Variants in FCHSD2 observed in about 807,000 individuals in gnomAD.
FCHSD2 encodes F-BAR and double SH3 domains protein 2.
A neutral mutation model predicts 108.1 loss-of-function variants in FCHSD2; 38 were observed. That is an observed-to-expected ratio of 0.35 (90% CI 0.27 to 0.46). The LOEUF is 0.46. FCHSD2 is among the 20% of genes least tolerant of loss of function. The probability of loss-of-function intolerance (pLI) is 1.00; values close to 1 mark genes in which losing one functional copy is unlikely to be tolerated. For missense variants in FCHSD2, 751 were observed against 897.8 expected (o/e 0.84, Z 2.09); for synonymous variants, 279 against 314.7 (o/e 0.89, Z 1.20).
intron 3 of FCHSD2, among the ~76,000 whole-genome samples, chr11:73,036,849 A>T (rs1176174362): frequency 6.6e-6 from 1 of 152,222 alleles, no homozygotes; most frequent in Non-Finnish European, 1.5e-5. Context: ...AACTGAGTAC[A>T]ATTTTCTGTA....
intron 9 of FCHSD2, among the ~76,000 whole-genome samples, chr11:72,910,345 G>A (rs901774546): frequency 2.6e-5 from 4 of 152,228 alleles, no homozygotes; most frequent in African/African-American, 9.6e-5. Flanking sequence ...AGCGACCATC[G>A]AGAACGGGCC....
Position 72,842,841 on chromosome 11 carries a change from A to G in FCHSD2, c.1706T>C (p.Val569Ala). The change falls in exon 17 of 20, where the codon GTA (valine) becomes GCA (alanine). Residue 569 changes from valine to alanine, a missense_variant and splice_region_variant. Val to Ala is a moderately conservative substitution (Grantham distance 64). Coordinates refer to ENST00000409418, the MANE Select transcript of FCHSD2 (RefSeq NM_014824.3). ...ATCATAAAGTGCTTTCACAAAACATACTAGGGAGCAAGAGAAAAACAAATC... is the reference window on the plus strand; with the variant it reads ...ATCATAAAGTGCTTTCACAAAACATGCTAGGGAGCAAGAGAAAAACAAATC... ...VSGSLNGDAS[V>A]CFVKALYDYE... The G allele has an allele frequency of 7.4e-6, 12 of 1,611,936 alleles. No homozygotes were observed. The highest frequency in any genetic ancestry group is 1.0e-5 in the Non-Finnish European group (12 of 1,178,424).
At chr11:73,065,232 C>A (rs555505004) in intron 3 of FCHSD2, among the ~76,000 whole-genome samples, 95 of 152,120 alleles carry the variant, frequency 6.2e-4, no homozygotes, top group African/African-American at 2.2e-3. Flanking sequence ...TAATCTATCA[C>A]GTAAACAGAA....
intron 13 of FCHSD2, among the ~76,000 whole-genome samples, chr11:72,855,130 G>A (rs924280774): frequency 6.6e-6 from 1 of 152,154 alleles, no homozygotes; most frequent in Non-Finnish European, 1.5e-5. Context: ...AAAATTAGCC[G>A]GGTGTGGTGG....
intron 2 of FCHSD2, among the ~76,000 whole-genome samples, chr11:73,103,655 T>G (rs1429489082): frequency 6.6e-6 from 1 of 152,100 alleles, no homozygotes; most frequent in Non-Finnish European, 1.5e-5. Flanking sequence ...ATGTAAAACC[T>G]ACACATAAAA....
chr11:73,136,223 T>A (rs1259098979), intron 2 of FCHSD2, among the ~76,000 whole-genome samples: 1 of 151,634 alleles, frequency 6.6e-6, no homozygotes, highest in African/African-American at 2.4e-5. Flanking sequence ...TAGACAAAAT[T>A]TAGCATAAAA....
At chr11:73,001,160 C>T (rs775678021) in intron 4 of FCHSD2, 26 bp from the exon 5 acceptor site, 2 of 1,608,730 alleles carry the variant, frequency 1.2e-6, no homozygotes, top group Non-Finnish European at 1.7e-6. Context: ...GATAGAAAAG[C>T]ATTAGGCAGG....
intron 12 of FCHSD2, among the ~76,000 whole-genome samples, chr11:72,884,215 A>G (rs1050014948): frequency 2.0e-4 from 30 of 152,268 alleles, no homozygotes; most frequent in African/African-American, 7.0e-4. Context: ...ATCAGGCCTT[A>G]AGACCTAACT....
chr11:72,845,071 T>C (rs528793043), intron 14 of FCHSD2, among the ~76,000 whole-genome samples: 1 of 152,290 alleles, frequency 6.6e-6, no homozygotes, highest in South Asian at 2.1e-4. Context: ...CGTTAATGTA[T>C]GTGACAGCAA....
intron 3 of FCHSD2, among the ~76,000 whole-genome samples, chr11:73,057,808 T>C (rs1280808973): frequency 6.6e-6 from 1 of 151,918 alleles, no homozygotes; most frequent in Non-Finnish European, 1.5e-5. Flanking sequence ...AGGGAATGAG[T>C]TCCCCTCAGT....
At chr11:72,938,383 G>A (rs1240381301) in intron 8 of FCHSD2, among the ~76,000 whole-genome samples, 6 of 152,152 alleles carry the variant, frequency 3.9e-5, no homozygotes, top group Non-Finnish European at 7.3e-5. Context: ...AAGAAACCTG[G>A]CATAGCTGGA....
chr11:72,896,988 G>C (rs954217441), intron 10 of FCHSD2, among the ~76,000 whole-genome samples: 1 of 151,616 alleles, frequency 6.6e-6, no homozygotes, highest in Non-Finnish European at 1.5e-5. Context: ...CACCACGCCC[G>C]GCTAATTTTT....
intron 1 of FCHSD2, chr11:73,141,433 G>A: frequency 5.4e-6 from 1 of 184,606 alleles, no homozygotes; most frequent in Non-Finnish European, 1.1e-5. Context: ...TTTGCAAACG[G>A]GCGGGGCTGG....
intron 9 of FCHSD2, among the ~76,000 whole-genome samples, chr11:72,913,335 C>T (rs1855802477): frequency 6.6e-6 from 1 of 152,142 alleles, no homozygotes; most frequent in South Asian, 2.1e-4. Context: ...GCAGTGCAAT[C>T]CTGACTCACT....
At chr11:73,087,081 T>C (rs1350986732) in intron 2 of FCHSD2, among the ~76,000 whole-genome samples, 1 of 152,222 alleles carries the variant, frequency 6.6e-6, no homozygotes, top group East Asian at 1.9e-4. Flanking sequence ...GACAGCTCCA[T>C]GCATGTTACT....
At chr11:73,064,858 G>C (rs1859253521) in intron 3 of FCHSD2, among the ~76,000 whole-genome samples, 1 of 152,094 alleles carries the variant, frequency 6.6e-6, no homozygotes, top group African/African-American at 2.4e-5. Flanking sequence ...AATTGAGGCA[G>C]TAATTAATAG....
chr11:72,982,023 T>C (rs1435892950), intron 8 of FCHSD2, among the ~76,000 whole-genome samples: 2 of 152,216 alleles, frequency 1.3e-5, no homozygotes, highest in Admixed American at 1.3e-4. Context: ...CTAGGTCTAA[T>C]ACTTTATGGA....
In FCHSD2 at chr11:73,079,316, C is replaced by A. The variant is rs186186758; in HGVS notation, c.165+4379G>T. ...GTTTCAAGTGATTCTCCTGCCTCAGCCTCCTGAGTAGCTGGGATTACAGGT... is the reference window on the plus strand; with the variant it reads ...GTTTCAAGTGATTCTCCTGCCTCAGACTCCTGAGTAGCTGGGATTACAGGT... On this transcript the variant is annotated intron_variant, in intron 3 of 19. Coordinates refer to ENST00000409418, the MANE Select transcript of FCHSD2 (RefSeq NM_014824.3). 5.4e-3 allele frequency among the ~76,000 whole-genome samples: 819 copies of A among 151,834 alleles called. 10 individuals are homozygous for A. Among genetic ancestry groups the A allele is most frequent in the African/African-American group, 0.019 (773 of 41,404 alleles).
intron 3 of FCHSD2, among the ~76,000 whole-genome samples, chr11:73,076,504 A>C (rs1037925289): frequency 2.0e-5 from 3 of 152,226 alleles, no homozygotes; most frequent in Non-Finnish European, 4.4e-5. Flanking sequence ...TTTTAGAGAG[A>C]CATAAAGCTG....
Sources: gnomAD v4.1 joint callset for allele counts (sites outside exome capture counted in the v4.1 genomes callset) on GRCh38, gnomAD v4.1.1 for gene constraint, MANE v1.5 for transcripts, NCBI Gene and HGNC (gene_info 2026-07-23, HGNC 2026-07-21) for gene names.